The following ECPAS variants were observed in gnomAD, a reference collection of about 807,000 sequenced individuals.
ECPAS encodes the protein Ecm29 proteasome adaptor and scaffold.
Under a neutral mutation model 255.1 loss-of-function variants are expected in ECPAS, and 70 were observed. The observed-to-expected ratio is 0.27, with a 90% confidence interval of 0.23 to 0.33. The LOEUF (loss-of-function observed/expected upper bound fraction) is 0.33, where lower values mean the gene tolerates loss of function less well. Ranked by LOEUF, ECPAS falls within the 10% of genes least tolerant of loss-of-function variation. The pLI is 1.00. For synonymous variants in ECPAS, 784 were observed against 775.0 expected, an observed-to-expected ratio of 1.01 and a Z score of -0.19; for missense variants, 1,817 against 2,206.4, an observed-to-expected ratio of 0.82 and a Z score of 3.54.
chr9:111,396,447 A>G (rs1422869805), intron 25 of ECPAS, among the ~76,000 whole-genome samples: 2 of 152,222 alleles, frequency 1.3e-5, no homozygotes, highest in African/African-American at 4.8e-5. Context: ...CTGGCTAAAT[A>G]CATAAATCCT....
intron 16 of ECPAS, 71 bp downstream of exon 16, chr9:111,419,946 T>C: frequency 1.8e-6 from 2 of 1,142,846 alleles, no homozygotes; most frequent in East Asian, 2.4e-5. Context: ...TTGTAAACAA[T>C]ACAACTTTTA....
chr9:111,418,592 C>T (rs1308488659), intron 16 of ECPAS, among the ~76,000 whole-genome samples: 1 of 151,834 alleles, frequency 6.6e-6, no homozygotes, highest in African/African-American at 2.4e-5. Context: ...CATAAAGGGC[C>T]GAAAAGAAAG....
At position 111,389,535 on chromosome 9, in the gene ECPAS, CAG is replaced by C. The variant is rs1366731437; in HGVS notation, c.3447+19_3447+20del. The C allele has an allele frequency of 1.2e-6, 2 of 1,604,896 alleles. No homozygotes were observed. The highest frequency in any genetic ancestry group is 2.2e-5 in the East Asian group (1 of 44,750). ...GACAGTCTACAGTGTTTTCCTAACACAGGGGTTCACAGACACTTACCATGGAT... is the reference window on the plus strand; with the variant it reads ...GACAGTCTACAGTGTTTTCCTAACACGGGTTCACAGACACTTACCATGGAT... On this transcript the variant is annotated intron_variant, in intron 31 of 49. Coordinates refer to ENST00000684092, the MANE Select transcript of ECPAS (RefSeq NM_001364929.1).
At chr9:111,426,769 C>T (rs1411124824) in intron 10 of ECPAS, among the ~76,000 whole-genome samples, 1 of 151,210 alleles carries the variant, frequency 6.6e-6, no homozygotes, top group Non-Finnish European at 1.5e-5. Flanking sequence ...GAGTTCTAGA[C>T]CAGCCTGGGC....
chr9:111,374,363 T>C (rs1032516724), intron 38 of ECPAS, among the ~76,000 whole-genome samples: 32 of 152,194 alleles, frequency 2.1e-4, no homozygotes, highest in African/African-American at 6.8e-4. Context: ...TCTTCAGGTG[T>C]GCCTGAAGAC....
rs756499167 is a variant in ECPAS at position 111,375,983 on chromosome 9, AG to A, written c.4020+492del. The stretch of plus-strand genomic sequence containing the variant: ...AACAGAGTAACTTTACCAAGACTCC[AG>A]GAAGTTTAGAAATCAGAACCTCAGA... On this transcript the variant is annotated intron_variant, in intron 37 of 49. Transcript: ENST00000684092. 3.9e-5 allele frequency among the ~76,000 whole-genome samples: 6 copies of A among 152,234 alleles called. No homozygotes were observed. The South Asian group carries it at 8.3e-4, about 21-fold the overall frequency.
intron 8 of ECPAS, among the ~76,000 whole-genome samples, chr9:111,431,429 G>A (rs1225845453): frequency 6.6e-6 from 1 of 151,950 alleles, no homozygotes; most frequent in Admixed American, 6.6e-5. Flanking sequence ...ACGGTGGTGT[G>A]CACCTGTAAT....
chr9:111,368,988 A>G, intron 46 of ECPAS, 47 bp downstream of exon 46: 2 of 1,463,520 alleles, frequency 1.4e-6, no homozygotes, highest in Non-Finnish European at 1.8e-6. Context: ...CGCTCTCATT[A>G]AGTAACCTCT....
chr9:111,369,178 G>A lies in ECPAS; in HGVS notation c.4975-5C>T. On this transcript the variant is annotated splice_polypyrimidine_tract_variant and splice_region_variant and intron_variant, in intron 45 of 49. Coordinates refer to ENST00000684092, the MANE Select transcript of ECPAS (RefSeq NM_001364929.1). ...CCCACTGCTTTCAAGTGAGTTCTAG[G>A]ATATATCAAAGAAAAGAAAATGTAA... 2.0e-6 allele frequency: 3 copies of A among 1,515,076 alleles called. No individual in the cohort carries two copies. The South Asian group carries it at 4.0e-5, about 20-fold the overall frequency. The allele number at this position is 1,515,076 out of a possible 1,614,324, so 93.9% of individuals were successfully genotyped here. A position where few individuals can be genotyped will look rare whatever the true frequency, so the allele number is the denominator to read the frequency against.
At position 111,445,528 on chromosome 9, in the gene ECPAS, A is replaced by G. The variant is rs190613259; in HGVS notation, c.154-1034T>C. On this transcript the variant is annotated intron_variant, in intron 3 of 49. Transcript: ENST00000684092. ...AGTCCTTAAGATTTAATGAGTTCCA[A>G]GCAGAGTATCAGTTATAAGAAGGTA... Among the ~76,000 whole-genome samples, 3 of 152,248 alleles carry G rather than the reference A, an allele frequency of 2.0e-5. No homozygotes were observed. The East Asian group carries it at 5.8e-4, about 29-fold the overall frequency.
intron 7 of ECPAS, among the ~76,000 whole-genome samples, chr9:111,435,833 C>T (rs2098237302): frequency 6.6e-6 from 1 of 150,536 alleles, no homozygotes; most frequent in African/African-American, 2.4e-5. Flanking sequence ...GCGCCCGCCA[C>T]CACGCCCAGC....
rs16916079 is a variant in ECPAS, at chr9:111,412,104, C to T, written c.2124G>A (p.Ala708=). 0.016 allele frequency: 25,793 copies of T among 1,593,712 alleles called. 629 individuals are homozygous for T. The highest frequency in any genetic ancestry group is 0.12 in the East Asian group (5,163 of 44,124). The change falls in exon 21 of 50, where the codon GCG becomes GCA. Residue 708 remains alanine (A), a synonymous_variant. Transcript: ENST00000684092. ...TTGATACCACTACAGAATAAAACAA[C>T]GCTGCCAGTTCGCGCATTTCTTCTT... ...NSKEEMRELA[A]LFYSVVVSTV...
chr9:111,475,401 T>C (rs2098294910), intron 1 of ECPAS, among the ~76,000 whole-genome samples: 3 of 152,188 alleles, frequency 2.0e-5, no homozygotes, highest in Admixed American at 6.5e-5. Flanking sequence ...GACAATGGCC[T>C]TGATCACATA....
At chr9:111,377,370 G>A (rs531090791) in intron 36 of ECPAS, among the ~76,000 whole-genome samples, 13 of 152,002 alleles carry the variant, frequency 8.6e-5, no homozygotes, top group South Asian at 4.2e-4. Context: ...AAATATAAAC[G>A]ACTAATACAA....
Position 111,389,605 on chromosome 9 carries a change from C to T in ECPAS, c.3398G>A (p.Arg1133Gln), listed in dbSNP as rs1431940775. ...RYQFDPNLGIRQAMTSIWNAL... is the reference protein window; with the variant it reads ...RYQFDPNLGIQQAMTSIWNAL... The stretch of plus-strand genomic sequence containing the variant: ...ATTCCAAATACTTGTCATGGCCTGT[C>T]GAATGCCAAGGTTGGGATCAAACTG... The change falls in exon 31 of 50, where the codon CGA becomes CAA. Residue 1133 changes from arginine to glutamine, a missense_variant. This residue lies in a region of ECPAS where 960 missense variants were observed against 1,179.0 expected (regional missense o/e 0.81). Coordinates refer to ENST00000684092, the MANE Select transcript of ECPAS (RefSeq NM_001364929.1). 4.3e-6 allele frequency: 7 copies of T among 1,613,640 alleles called. No homozygotes were observed. The highest frequency in any genetic ancestry group is 2.7e-5 in the African/African-American group (2 of 74,868).
At chr9:111,385,289 C>G (rs2098146395) in intron 33 of ECPAS, 48 bp downstream of exon 33, 1 of 913,386 alleles carries the variant, frequency 1.1e-6, no homozygotes. Flanking sequence ...TTTAATAATT[C>G]CAATTTAACT....
Position 111,369,027 on chromosome 9 carries a change from G to A in ECPAS, c.5113+8C>T. On this transcript the variant is annotated splice_region_variant and intron_variant, in intron 46 of 49. Coordinates refer to ENST00000684092, the MANE Select transcript of ECPAS (RefSeq NM_001364929.1). Reference sequence around the variant, plus strand: ...TACAGCACTTCAAATGCAGTTTCTGGTGCTTACGTTGGGTCTCCGCGTTTC... The same window carrying A: ...TACAGCACTTCAAATGCAGTTTCTGATGCTTACGTTGGGTCTCCGCGTTTC... 6.5e-7 allele frequency: 1 copy of A among 1,541,862 alleles called. No homozygotes were observed. Among genetic ancestry groups the A allele is most frequent in the Non-Finnish European group, 8.7e-7 (1 of 1,152,446 alleles).
rs1160615905 is a variant in ECPAS at position 111,410,171 on chromosome 9, G to A, written c.2420C>T (p.Ala807Val). The change falls in exon 23 of 50, where the codon GCC becomes GTC. Residue 807 changes from alanine to valine, a missense_variant. Transcript: ENST00000684092. ...GCCAATTTCACCCAGGGCTGTGCAG[G>A]CAGCAATTGCCAGGAGGGGTGATGT... ...DSTSPLLAIAACTALGEIGRN... is the reference protein window; with the variant it reads ...DSTSPLLAIAVCTALGEIGRN... 2 of 1,613,250 alleles carry A rather than the reference G, an allele frequency of 1.2e-6. No homozygotes were observed. Among genetic ancestry groups the A allele is most frequent in the Admixed American group, 3.3e-5 (2 of 59,944 alleles).
intron 1 of ECPAS, among the ~76,000 whole-genome samples, chr9:111,481,223 G>A (rs1279744018): frequency 6.6e-6 from 1 of 152,190 alleles, no homozygotes; most frequent in Non-Finnish European, 1.5e-5. Flanking sequence ...GGGGCCGGGC[G>A]CGGTGGCTCA....
Sources: gnomAD v4.1 joint callset for allele counts (sites outside exome capture counted in the v4.1 genomes callset) on GRCh38, gnomAD v4.1.1 for gene constraint, gnomAD v4.1.1 regional missense constraint, MANE v1.5 for transcripts, NCBI Gene and HGNC (gene_info 2026-07-23, HGNC 2026-07-21) for gene names.